Variants in CUBN observed in about 807,000 individuals in gnomAD.
CUBN encodes cubilin.
In CUBN, 282 loss-of-function variants were observed where a neutral mutation model predicts 405.3. The observed-to-expected ratio is 0.70, with a 90% confidence interval of 0.63 to 0.77. CUBN has a LOEUF of 0.77. CUBN is among the 30% of genes least tolerant of loss of function. CUBN has a pLI of 0.00. For synonymous variants in CUBN, 1,684 were observed against 1,617.0 expected, an observed-to-expected ratio of 1.04 and a Z score of -0.99; for missense variants, 4,514 against 4,475.2, an observed-to-expected ratio of 1.01 and a Z score of -0.25.
intron 31 of CUBN, among the ~76,000 whole-genome samples, chr10:16,968,868 T>C (rs965728281): frequency 6.6e-6 from 1 of 152,238 alleles, no homozygotes; most frequent in Non-Finnish European, 1.5e-5. Context: ...ATGCTCCTGA[T>C]GTGTCATTGA....
At chr10:16,942,027 G>C (rs935333884) in intron 36 of CUBN, among the ~76,000 whole-genome samples, 1 of 152,040 alleles carries the variant, frequency 6.6e-6, no homozygotes, top group Non-Finnish European at 1.5e-5. Context: ...ATTCATAAAA[G>C]AAGACAAGAA....
chr10:17,114,375 A>G (rs935977723), intron 7 of CUBN, among the ~76,000 whole-genome samples, 186 bp from the exon 8 acceptor site: 2 of 152,204 alleles, frequency 1.3e-5, no homozygotes, highest in African/African-American at 4.8e-5. Flanking sequence ...AAAGGGAAAC[A>G]TCTTTATTTC....
At chr10:17,097,059 C>T (rs986508113) in intron 14 of CUBN, among the ~76,000 whole-genome samples, 4 of 151,964 alleles carry the variant, frequency 2.6e-5, no homozygotes, top group Admixed American at 1.3e-4. Flanking sequence ...AGTAACCATA[C>T]ATTAGGTGCA....
intron 48 of CUBN, among the ~76,000 whole-genome samples, chr10:16,912,589 C>G (rs562504763): frequency 1.3e-5 from 2 of 152,118 alleles, no homozygotes; most frequent in African/African-American, 4.8e-5. Flanking sequence ...AAAAGGCATT[C>G]GAGCAGAGAC....
At chr10:17,105,619 T>C (rs765061897) in intron 10 of CUBN, 44 bp from the exon 11 acceptor site, 10 of 1,038,480 alleles carry the variant, frequency 9.6e-6, no homozygotes, top group Non-Finnish European at 1.5e-5. Flanking sequence ...GGTCTCCTCC[T>C]CTGTTCGGAT....
At chr10:16,950,803 A>G (rs1483095979) in intron 33 of CUBN, among the ~76,000 whole-genome samples, 1 of 152,216 alleles carries the variant, frequency 6.6e-6, no homozygotes, top group African/African-American at 2.4e-5. Flanking sequence ...CCGTCTTTCC[A>G]GTTTTTATAT....
At chr10:16,994,879 C>A (rs1178845166) in intron 28 of CUBN, among the ~76,000 whole-genome samples, 1 of 152,176 alleles carries the variant, frequency 6.6e-6, no homozygotes, top group East Asian at 1.9e-4. Context: ...CACCTGAGGT[C>A]ATGAGTTCGA....
intron 39 of CUBN, among the ~76,000 whole-genome samples, chr10:16,933,596 G>C (rs1378101159): frequency 6.6e-6 from 1 of 152,106 alleles, no homozygotes; most frequent in Non-Finnish European, 1.5e-5. Flanking sequence ...CTGTATTACT[G>C]AGGTAGAACT....
intron 51 of CUBN, among the ~76,000 whole-genome samples, chr10:16,903,745 T>C (rs1276512616): frequency 6.7e-6 from 1 of 149,090 alleles, no homozygotes; most frequent in Admixed American, 6.7e-5. Flanking sequence ...TATTGAATAA[T>C]TTTAAAATTA....
Position 17,046,059 on chromosome 10 carries a change from A to G in CUBN, c.3365T>C (p.Ile1122Thr), listed in dbSNP as rs1346948181. The G allele has an allele frequency of 6.2e-7, 1 of 1,613,892 alleles. No individual in the cohort carries two copies. The highest frequency in any genetic ancestry group is 1.7e-5 in the Admixed American group (1 of 60,010). Residue 1122 changes from isoleucine to threonine, a missense_variant, in exon 24 of 67, where the codon ATA (isoleucine) becomes ACA (threonine). By Grantham distance (89) the Ile-to-Thr change is moderately conservative (BLOSUM62 -1). Coordinates refer to ENST00000377833, the MANE Select transcript of CUBN (RefSeq NM_001081.4). Reference protein sequence around the residue: ...GGYEKSPLLGIFYGSNLPPTI... With the variant: ...GGYEKSPLLGTFYGSNLPPTI... ...TGGGGGTAGATTTGAGCCATAGAAT[A>G]TTCCCAGCAATGGTGATTTTTCATA... is the stretch of plus-strand genomic sequence containing the variant.
At chr10:16,848,266 C>T (rs1400065561) in intron 60 of CUBN, among the ~76,000 whole-genome samples, 1 of 152,114 alleles carries the variant, frequency 6.6e-6, no homozygotes, top group African/African-American at 2.4e-5. Flanking sequence ...CTAGCAGGGC[C>T]ATACTCAAAT....
chr10:16,978,382 T>G (rs1564458398), intron 31 of CUBN, among the ~76,000 whole-genome samples: 1 of 152,240 alleles, frequency 6.6e-6, no homozygotes. Context: ...TTTGTAAATG[T>G]CATCCAAAAT....
chr10:17,113,967 T>G, intron 8 of CUBN, 60 bp downstream of exon 8: 1 of 1,543,928 alleles, frequency 6.5e-7, no homozygotes, highest in Middle Eastern at 1.8e-4. Context: ...GAAAGAAAAT[T>G]GGTTCTGGCA....
At chr10:16,968,804 T>C (rs1843470983) in intron 31 of CUBN, among the ~76,000 whole-genome samples, 1 of 152,250 alleles carries the variant, frequency 6.6e-6, no homozygotes, top group Admixed American at 6.5e-5. Flanking sequence ...ACTTGTGTGC[T>C]GACCAGACAA....
intron 10 of CUBN, among the ~76,000 whole-genome samples, chr10:17,107,010 G>A (rs1443577825): frequency 6.6e-6 from 1 of 152,186 alleles, no homozygotes; most frequent in Non-Finnish European, 1.5e-5. Context: ...CATTGCCAAG[G>A]TACAAGGTTA....
intron 48 of CUBN, 75 bp downstream of exon 48, chr10:16,913,736 T>G (rs1841798420): frequency 1.8e-5 from 29 of 1,570,986 alleles, no homozygotes; most frequent in Non-Finnish European, 2.5e-5. Flanking sequence ...GACCTAGTTT[T>G]CTGACTATGA....
intron 57 of CUBN, among the ~76,000 whole-genome samples, chr10:16,876,166 T>C (rs997561238): frequency 6.6e-6 from 1 of 152,194 alleles, no homozygotes; most frequent in Non-Finnish European, 1.5e-5. Flanking sequence ...GGAGCAAAGA[T>C]GAAATAGACT....
chr10:16,891,929 A>G (rs1008124228), intron 54 of CUBN, among the ~76,000 whole-genome samples: 5 of 152,192 alleles, frequency 3.3e-5, no homozygotes, highest in African/African-American at 7.2e-5. Flanking sequence ...ACAGACAACT[A>G]TCTCAAACAA....
At chr10:16,933,442 T>C (rs1050901177) in intron 39 of CUBN, among the ~76,000 whole-genome samples, 158 bp from the exon 40 acceptor site, 4 of 152,188 alleles carry the variant, frequency 2.6e-5, no homozygotes, top group Non-Finnish European at 5.9e-5. Flanking sequence ...ACCCACTGAT[T>C]CGGAAAGCTG....
Sources: allele counts gnomAD v4.1 joint callset (sites outside exome capture counted in the v4.1 genomes callset), GRCh38; gene constraint gnomAD v4.1.1; transcripts MANE v1.5; gene names NCBI Gene and HGNC (gene_info 2026-07-23, HGNC 2026-07-21).